RABGAP1L: variants seen among roughly 807,000 people sequenced by gnomAD.
RABGAP1L encodes the protein RAB GTPase activating protein 1 like.
In RABGAP1L, 63 loss-of-function variants were observed where a neutral mutation model predicts 137.7. That is an observed-to-expected ratio of 0.46 (90% confidence interval 0.37 to 0.56). The LOEUF is 0.56. Ranked by LOEUF, RABGAP1L falls within the 20% of genes least tolerant of loss-of-function variation. The pLI is 0.00. For synonymous variants in RABGAP1L, 431 were observed against 433.7 expected, an observed-to-expected ratio of 0.99 and a Z score of 0.08; for missense variants, 1,095 against 1,244.0, an observed-to-expected ratio of 0.88 and a Z score of 1.80.
chr1:174,194,285 A>AGG (rs1267277948), intron 1 of RABGAP1L, among the ~76,000 whole-genome samples: 57 of 140,970 alleles, frequency 4.0e-4, no homozygotes, highest in Non-Finnish European at 5.6e-4. Context: ...CCCAGGCTGG[A>AGG]GGGCAATAGC....
At chr1:174,345,398 T>C (rs1232762383) in intron 11 of RABGAP1L, among the ~76,000 whole-genome samples, 2 of 152,212 alleles carry the variant, frequency 1.3e-5, no homozygotes, top group East Asian at 1.9e-4. Context: ...ATTTTAACAA[T>C]ATTGATTCTT....
chr1:174,978,933 G>T, intron 23 of RABGAP1L, 43 bp downstream of exon 23: 1 of 1,450,594 alleles, frequency 6.9e-7, no homozygotes, highest in Non-Finnish European at 9.1e-7. Flanking sequence ...ATAGTTTGCT[G>T]CTATAAAAGT....
At chr1:174,402,736 G>A (rs1277319870) in intron 13 of RABGAP1L, among the ~76,000 whole-genome samples, 3 of 152,116 alleles carry the variant, frequency 2.0e-5, no homozygotes, top group African/African-American at 7.2e-5. Context: ...ACAATAGAAG[G>A]ATCATGACCT....
At chr1:174,603,956 C>G (rs554606879) in intron 13 of RABGAP1L, among the ~76,000 whole-genome samples, 90 of 151,640 alleles carry the variant, frequency 5.9e-4, no homozygotes, top group Admixed American at 9.2e-4. Flanking sequence ...CCCCTCTCCT[C>G]TCCTCAAGCA....
At position 174,330,839 on chromosome 1, in the gene RABGAP1L, T is replaced by A. The variant is rs193258425; in HGVS notation, c.1465+25712T>A. Among the ~76,000 whole-genome samples, 1,504 of 151,994 alleles carry A rather than the reference T, an allele frequency of 9.9e-3. 11 individuals are homozygous for A. The highest frequency in any genetic ancestry group is 0.013 in the Non-Finnish European group (902 of 67,972). On this transcript the variant is annotated intron_variant, in intron 11 of 25. Transcript: ENST00000681986. ...TTCTTCACAGAAATAGAAAAAAAAA[T>A]TTAAATTCATATGGAGCCACAAAAG...
intron 10 of RABGAP1L, among the ~76,000 whole-genome samples, chr1:174,280,901 G>A (rs1165198753): frequency 6.6e-6 from 1 of 152,162 alleles, no homozygotes; most frequent in Non-Finnish European, 1.5e-5. Context: ...TCCTTCAGAT[G>A]TACAGATGTG....
chr1:174,621,074 G>C (rs1672411413), intron 13 of RABGAP1L, among the ~76,000 whole-genome samples: 1 of 152,046 alleles, frequency 6.6e-6, no homozygotes, highest in Non-Finnish European at 1.5e-5. Context: ...ACCCTCCCAA[G>C]ACTAAACCAG....
chr1:174,773,531 TTG>T (rs1234249918), intron 18 of RABGAP1L, among the ~76,000 whole-genome samples: 1 of 152,164 alleles, frequency 6.6e-6, no homozygotes, highest in Non-Finnish European at 1.5e-5. Context: ...TTAATTCAAG[TTG>T]TTTGAATTAA....
chr1:174,546,723 A>G (rs951420152), intron 13 of RABGAP1L, among the ~76,000 whole-genome samples: 2 of 152,206 alleles, frequency 1.3e-5, no homozygotes, highest in Non-Finnish European at 2.9e-5. Context: ...AGTAAATTGC[A>G]TCCTTTGCAT....
intron 13 of RABGAP1L, among the ~76,000 whole-genome samples, chr1:174,400,776 T>C (rs1300781156): frequency 6.6e-6 from 1 of 152,104 alleles, no homozygotes; most frequent in Non-Finnish European, 1.5e-5. Flanking sequence ...GTGGGTCATG[T>C]AGATTGAGTC....
chr1:174,651,449 A>C (rs188524102), intron 14 of RABGAP1L, among the ~76,000 whole-genome samples: 1 of 152,182 alleles, frequency 6.6e-6, no homozygotes, highest in African/African-American at 2.4e-5. Context: ...AAAGTCTCCC[A>C]TTATTATTGT....
At chr1:174,201,523 CTTTA>C (rs1668098791) in intron 1 of RABGAP1L, among the ~76,000 whole-genome samples, 1 of 152,068 alleles carries the variant, frequency 6.6e-6, no homozygotes, top group Admixed American at 6.6e-5. Context: ...GTGATATGTA[CTTTA>C]TTCTATCATC....
rs1661766797 is a variant in RABGAP1L, at chr1:174,505,857, A to G, written c.1710+111712A>G. On this transcript the variant is annotated intron_variant, in intron 13 of 25. Coordinates refer to ENST00000681986, the MANE Select transcript of RABGAP1L (RefSeq NM_001366446.1). ...AAGAGATATTTTCATTCCCATGTTC[A>G]TTGCAGTATTAATCACAATAGCCAG... Among the ~76,000 whole-genome samples, 5 of 152,338 alleles carry G rather than the reference A, an allele frequency of 3.3e-5. No individual in the cohort carries two copies. The South Asian group carries it at 1.0e-3, about 32-fold the overall frequency.
At chr1:174,917,365 A>G (rs1465327633) in intron 19 of RABGAP1L, among the ~76,000 whole-genome samples, 1 of 152,226 alleles carries the variant, frequency 6.6e-6, no homozygotes, top group African/African-American at 2.4e-5. Context: ...TATATAATGT[A>G]TGTATGTGTT....
chr1:174,688,939 C>T (rs1411227298), intron 15 of RABGAP1L, among the ~76,000 whole-genome samples: 4 of 151,992 alleles, frequency 2.6e-5, no homozygotes, highest in Non-Finnish European at 4.4e-5. Context: ...ATAAAGAACA[C>T]CAATGAAGTG....
At chr1:174,579,319 A>C (rs188396553) in intron 13 of RABGAP1L, among the ~76,000 whole-genome samples, 111 of 152,176 alleles carry the variant, frequency 7.3e-4, no homozygotes, top group African/African-American at 2.5e-3. Context: ...ATGATGGGTT[A>C]GGGCAGTTCC....
intron 11 of RABGAP1L, among the ~76,000 whole-genome samples, chr1:174,319,046 A>G (rs1679691651): frequency 6.6e-6 from 1 of 152,108 alleles, no homozygotes; most frequent in South Asian, 2.1e-4. Flanking sequence ...TATATTTTAC[A>G]TATTTGCATA....
chr1:174,383,634 C>T (rs984199174), intron 12 of RABGAP1L, among the ~76,000 whole-genome samples: 14 of 152,290 alleles, frequency 9.2e-5, no homozygotes, highest in East Asian at 1.9e-4. Flanking sequence ...GGCAATGCCT[C>T]GCCCTGCTTC....
chr1:174,821,276 T>C (rs1416455113), intron 19 of RABGAP1L, among the ~76,000 whole-genome samples: 1 of 152,084 alleles, frequency 6.6e-6, no homozygotes. Context: ...CACTCATGGT[T>C]AAAAACAGAA....
Sources: allele counts gnomAD v4.1 joint callset (sites outside exome capture counted in the v4.1 genomes callset), GRCh38; gene constraint gnomAD v4.1.1; transcripts MANE v1.5; gene names NCBI Gene and HGNC (gene_info 2026-07-23, HGNC 2026-07-21).